Variants in PALS2 observed in about 807,000 individuals in gnomAD.
PALS2 encodes protein associated with LIN7 2, MAGUK p55 family member.
PALS2 carries 27 observed loss-of-function variants against 61.6 expected under a neutral mutation model. The ratio of observed to expected loss-of-function variants is 0.44; its 90% confidence interval spans 0.32 to 0.60. The LOEUF (loss-of-function observed/expected upper bound fraction) is 0.60. PALS2 is among the 20% of genes least tolerant of loss of function. The pLI is 0.05. For synonymous variants in PALS2, 236 were observed against 218.6 expected (o/e 1.08, Z -0.70); for missense variants, 554 against 639.4 (o/e 0.87, Z 1.44).
chr7:24,593,074 GCTACTTTACCA>G, intron 1 of PALS2, among the ~76,000 whole-genome samples: 1 of 152,186 alleles, frequency 6.6e-6, no homozygotes, highest in African/African-American at 2.4e-5. Flanking sequence ...TTCAAACCCT[GCTACTTTACCA>G]GCTAAACTTA....
chr7:24,620,664 A>G (rs1366748069), intron 1 of PALS2, among the ~76,000 whole-genome samples: 1 of 152,170 alleles, frequency 6.6e-6, no homozygotes, highest in African/African-American at 2.4e-5. Context: ...CGTTATGAAC[A>G]CTGACTAAAC....
intron 3 of PALS2, among the ~76,000 whole-genome samples, chr7:24,649,318 C>T (rs1005603258): frequency 6.6e-6 from 1 of 152,104 alleles, no homozygotes; most frequent in Non-Finnish European, 1.5e-5. Flanking sequence ...TTGCACCAGA[C>T]TGGAAACCTA....
chr7:24,659,372 G>A (rs1583964805), intron 5 of PALS2, among the ~76,000 whole-genome samples: 1 of 152,140 alleles, frequency 6.6e-6, no homozygotes, highest in Admixed American at 6.5e-5. Context: ...CCCAGTAATG[G>A]GATTGCTGGG....
intron 11 of PALS2, among the ~76,000 whole-genome samples, chr7:24,683,012 T>A (rs1788013224): frequency 6.6e-6 from 1 of 152,208 alleles, no homozygotes; most frequent in South Asian, 2.1e-4. Flanking sequence ...ATTAACATCA[T>A]GAGGCATATG....
intron 1 of PALS2, among the ~76,000 whole-genome samples, chr7:24,622,721 T>C (rs1363019190): frequency 6.7e-6 from 1 of 149,470 alleles, no homozygotes; most frequent in Non-Finnish European, 1.5e-5. Context: ...GTCTAGAACC[T>C]CTAATCCAAA....
chr7:24,628,275 A>G (rs551417328), intron 2 of PALS2, among the ~76,000 whole-genome samples: 11 of 152,356 alleles, frequency 7.2e-5, no homozygotes, highest in Non-Finnish European at 1.3e-4. Flanking sequence ...TCACATGATT[A>G]TCTTAATAGA....
chr7:24,644,368 C>T (rs563211210), intron 3 of PALS2, among the ~76,000 whole-genome samples: 1 of 152,078 alleles, frequency 6.6e-6, no homozygotes, highest in Non-Finnish European at 1.5e-5. Context: ...ATTTGGTTTT[C>T]TGTTCCTGCG....
intron 1 of PALS2, among the ~76,000 whole-genome samples, chr7:24,621,470 TA>T (rs1253633172): frequency 6.6e-6 from 1 of 152,110 alleles, no homozygotes; most frequent in Non-Finnish European, 1.5e-5. Context: ...ATTTTGTTTT[TA>T]AAAATTGAGA....
At chr7:24,622,372 A>T (rs540691145) in intron 1 of PALS2, among the ~76,000 whole-genome samples, 1 of 151,984 alleles carries the variant, frequency 6.6e-6, no homozygotes, top group East Asian at 1.9e-4. Flanking sequence ...TCATTGTACA[A>T]ATTTTGTACT....
chr7:24,598,002 A>C (rs1783584601), intron 1 of PALS2, among the ~76,000 whole-genome samples: 1 of 152,116 alleles, frequency 6.6e-6, no homozygotes, highest in African/African-American at 2.4e-5. Context: ...AAGGCCCTGG[A>C]ATGGAGAAAA....
intron 1 of PALS2, among the ~76,000 whole-genome samples, chr7:24,590,485 A>G (rs996418788): frequency 6.6e-6 from 1 of 152,052 alleles, no homozygotes; most frequent in African/African-American, 2.4e-5. Flanking sequence ...GCAGGTAGGT[A>G]TATTTGGAAC....
chr7:24,649,234 T>C (rs2128077665), intron 3 of PALS2, among the ~76,000 whole-genome samples: 1 of 152,238 alleles, frequency 6.6e-6, no homozygotes, highest in South Asian at 2.1e-4. Context: ...TTTTATGGTA[T>C]TTTAGTAAAT....
At chr7:24,649,533 A>G (rs970677117) in intron 3 of PALS2, 79 bp from the exon 4 acceptor site, 3 of 1,335,386 alleles carry the variant, frequency 2.2e-6, no homozygotes, top group African/African-American at 3.0e-5. Flanking sequence ...CATTGGAATA[A>G]TGAAATAACA....
chr7:24,633,174 A>G (rs1583909955), intron 2 of PALS2, among the ~76,000 whole-genome samples: 1 of 152,240 alleles, frequency 6.6e-6, no homozygotes, highest in East Asian at 1.9e-4. Flanking sequence ...TCGTCTTTAT[A>G]TCAACCCAAG....
rs2128054835 is a variant in PALS2 at position 24,618,411 on chromosome 7, A to AT, written c.-2-5255_-2-5254insT. ...TGTGTGGACTTAGTGGAATGAAAAC[A>AT]ACTCCTAGGCTGGAAAAGTGCAGGG... On this transcript the variant is annotated intron_variant, in intron 1 of 11. Transcript: ENST00000222644. This position sits in a 1 kb window ranked among gnomAD's most constrained non-coding sequence, Gnocchi z 5.1. Among the ~76,000 whole-genome samples the AT allele has an allele frequency of 6.6e-6, 1 of 152,332 alleles. No individual in the cohort carries two copies. The highest frequency in any genetic ancestry group is 6.5e-5 in the Admixed American group (1 of 15,306).
chr7:24,663,224 A>G (rs1422042458), intron 5 of PALS2, among the ~76,000 whole-genome samples: 2 of 152,186 alleles, frequency 1.3e-5, no homozygotes, highest in South Asian at 2.1e-4. Flanking sequence ...TCAACTACCT[A>G]TATTATATTT....
chr7:24,586,141 A>C (rs1033526975), intron 1 of PALS2, among the ~76,000 whole-genome samples: 1 of 151,884 alleles, frequency 6.6e-6, no homozygotes, highest in African/African-American at 2.4e-5. Flanking sequence ...TCATCCATGA[A>C]CATAGGCTTT....
chr7:24,603,670 G>A (rs1230348439), intron 1 of PALS2, among the ~76,000 whole-genome samples: 2 of 152,156 alleles, frequency 1.3e-5, no homozygotes, highest in African/African-American at 4.8e-5. Flanking sequence ...TCAAATGGCT[G>A]TTGGAGCACA....
chr7:24,652,294 A>T (rs577563814), intron 5 of PALS2, among the ~76,000 whole-genome samples: 1 of 152,294 alleles, frequency 6.6e-6, no homozygotes, highest in East Asian at 1.9e-4. Flanking sequence ...GGCAAAATAA[A>T]ATTTTATAAT....
Sources: allele counts gnomAD v4.1 joint callset (sites outside exome capture counted in the v4.1 genomes callset), GRCh38; gene constraint gnomAD v4.1.1; non-coding constraint Gnocchi (gnomAD v3.1); transcripts MANE v1.5; gene names NCBI Gene and HGNC (gene_info 2026-07-23, HGNC 2026-07-21).